The following FAIM variants were observed in gnomAD, a reference collection of about 807,000 sequenced individuals.
FAIM encodes Fas apoptotic inhibitory molecule, also known as fas apoptotic inhibitory molecule 1.
Under a neutral mutation model 21.2 loss-of-function variants are expected in FAIM, and 14 were observed. That is an observed-to-expected ratio of 0.66 (90% CI 0.44 to 1.03). The LOEUF (loss-of-function observed/expected upper bound fraction) is 1.03. FAIM is among the 50% of genes least tolerant of loss of function. The probability of loss-of-function intolerance (pLI) is 0.00; values close to 1 mark genes in which losing one functional copy is unlikely to be tolerated. For synonymous variants in FAIM, 86 were observed against 80.4 expected, an observed-to-expected ratio of 1.07 and a Z score of -0.37; for missense variants, 222 against 247.1, an observed-to-expected ratio of 0.90 and a Z score of 0.68.
chr3:138,609,370 TCGAAAACGTGGAA>T (rs2042726336), intron 1 of FAIM, among the ~76,000 whole-genome samples: 1 of 151,962 alleles, frequency 6.6e-6, no homozygotes, highest in African/African-American at 2.4e-5. Context: ...CTTCTCACTG[TCGAAAACGTGGAA>T]CAGAAAGCAA....
At chr3:138,615,011 CAAGTTGAAAATATTAT>C (rs1248020957) in intron 1 of FAIM, among the ~76,000 whole-genome samples, 44 of 152,280 alleles carry the variant, frequency 2.9e-4, no homozygotes, top group African/African-American at 1.0e-3. Flanking sequence ...AAACCCATTG[CAAGTTGAAAATATTAT>C]AAGTTGAAAA....
chr3:138,611,536 A>G (rs780566195), intron 1 of FAIM, among the ~76,000 whole-genome samples: 10 of 152,334 alleles, frequency 6.6e-5, no homozygotes, highest in East Asian at 1.9e-4. Context: ...CCATTAAGCA[A>G]TAACTCTGTG....
rs773678502 is a variant in FAIM, at chr3:138,621,471, G to A, written c.109G>A (p.Gly37Arg). The A allele has an allele frequency of 7.4e-6, 12 of 1,613,768 alleles. No homozygotes were observed. Among genetic ancestry groups the A allele is most frequent in the Admixed American group, 3.3e-5 (2 of 59,974 alleles). ...VAVWDVALSDGVHKIEFEHGT... is the reference protein window; with the variant it reads ...VAVWDVALSDRVHKIEFEHGT... ...TGTTTGGGATGTTGCTTTAAGTGAC[G>A]GAGTCCACAAGATCGAATTTGAACA... The change falls in exon 3 of 6, where the codon GGA becomes AGA. Residue 37 changes from glycine to arginine, a missense_variant. Transcript: ENST00000360570.
In FAIM at chr3:138,614,521, T is replaced by C. The variant is rs78280905; in HGVS notation, c.-16-5190T>C. Among the ~76,000 whole-genome samples the C allele has an allele frequency of 3.5e-3, 530 of 152,296 alleles. 2 individuals are homozygous for C. The highest frequency in any genetic ancestry group is 0.012 in the African/African-American group (507 of 41,566). On this transcript the variant is annotated intron_variant, in intron 1 of 5. Transcript: ENST00000360570. The stretch of plus-strand genomic sequence containing the variant: ...TATCTCTTGATAGCAGGTTCAAATG[T>C]TGAATGGAAAAACTGAAGCCTGGAC...
intron 4 of FAIM, among the ~76,000 whole-genome samples, chr3:138,623,075 G>A (rs2042905108): frequency 6.6e-6 from 1 of 151,634 alleles, no homozygotes; most frequent in Non-Finnish European, 1.5e-5. Flanking sequence ...GTAGATTTTG[G>A]TATTATTTGG....
chr3:138,609,614 A>ACTCTCTCTCTCTCTCTCTCT (rs1211208979), intron 1 of FAIM, among the ~76,000 whole-genome samples: 15 of 25,422 alleles, frequency 5.9e-4, no homozygotes, highest in Non-Finnish European at 9.3e-4. Flanking sequence ...CTCTCTCTCG[A>ACTCTCTCTCTCTCTCTCTCT]CTCTCTCTCT....
chr3:138,622,360 A>C lies in FAIM; in HGVS notation c.350A>C (p.Lys117Thr). 6.2e-7 allele frequency: 1 copy of C among 1,613,698 alleles called. No homozygotes were observed. Among genetic ancestry groups the C allele is most frequent in the Non-Finnish European group, 8.5e-7 (1 of 1,179,890 alleles). Residue 117 changes from lysine (K) to threonine (T), a missense_variant, in exon 4 of 6, where the codon AAA becomes ACA. Lys to Thr is a moderately conservative substitution (Grantham distance 78). Transcript: ENST00000360570. ...SLKKYMEDRS[K>T]TTNTWVLHMD... Reference sequence around the variant, plus strand: ...AAGAAGTATATGGAGGACAGATCAAAAACCACCAATACTTGGGTATTACAC... The same window carrying C: ...AAGAAGTATATGGAGGACAGATCAACAACCACCAATACTTGGGTATTACAC...
Position 138,629,153 on chromosome 3 carries a change from A to C in FAIM, c.453A>C (p.Thr151=). Residue 151 remains threonine (T), a synonymous_variant, in exon 5 of 6, where the codon ACA becomes ACC. Transcript: ENST00000360570. The part of the protein sequence containing the change: ...DVWCNGKKLE[T]AGEFVDDGTE... ...GGTGCAATGGTAAAAAATTGGAGAC[A>C]GCGGTAAGTTGACTATTTGATGACT... 1 of 1,610,836 alleles carries C rather than the reference A, an allele frequency of 6.2e-7. No homozygotes were observed. Among genetic ancestry groups the C allele is most frequent in the Non-Finnish European group, 8.5e-7 (1 of 1,178,420 alleles).
rs1211208979 is a variant in FAIM at position 138,609,614 on chromosome 3, A to ACTCTCTCT, written c.-17+697_-17+704dup. ...CTCGACTCTCTCTCTCTCTCTCTCGACTCTCTCTCTCTCTCTCTCTCTCTC... is the reference window on the plus strand; with the variant it reads ...CTCGACTCTCTCTCTCTCTCTCTCGACTCTCTCTCTCTCTCTCTCTCTCTCTCTCTCTC... On this transcript the variant is annotated intron_variant, in intron 1 of 5. Transcript: ENST00000360570. Among the ~76,000 whole-genome samples the ACTCTCTCT allele has an allele frequency of 1.3e-3, 33 of 25,426 alleles. 1 individual carries two copies. Among genetic ancestry groups the ACTCTCTCT allele is most frequent in the South Asian group, 6.0e-3 (3 of 496 alleles). The allele number at this position is 25,426 out of a possible 152,430, so 16.7% of individuals were successfully genotyped here. A position where few individuals can be genotyped will look rare whatever the true frequency, so the allele number is the denominator to read the frequency against.
At position 138,629,126 on chromosome 3, in the gene FAIM, A is replaced by C; in HGVS notation, c.426A>C (p.Val142=). ...RIVLEKDAMD[V]WCNGKKLETA... The stretch of plus-strand genomic sequence containing the variant: ...TTACAGAAAAAGATGCTATGGACGT[A>C]TGGTGCAATGGTAAAAAATTGGAGA... Residue 142 remains valine (V), a synonymous_variant, in exon 5 of 6, where the codon GTA becomes GTC. Coordinates refer to ENST00000360570, the MANE Select transcript of FAIM (RefSeq NM_001033031.2). The C allele has an allele frequency of 6.2e-7, 1 of 1,611,144 alleles. No homozygotes were observed. Among genetic ancestry groups the C allele is most frequent in the Non-Finnish European group, 8.5e-7 (1 of 1,178,980 alleles).
At chr3:138,609,895 G>C (rs768927504) in intron 1 of FAIM, among the ~76,000 whole-genome samples, 3 of 152,186 alleles carry the variant, frequency 2.0e-5, no homozygotes, top group African/African-American at 7.2e-5. Context: ...ATACCACAAG[G>C]CTTCTGGTAT....
chr3:138,619,925 T>G (rs2108344325), intron 2 of FAIM, among the ~76,000 whole-genome samples, 155 bp downstream of exon 2: 1 of 152,348 alleles, frequency 6.6e-6, no homozygotes, highest in African/African-American at 2.4e-5. Context: ...GCAGGAGTAG[T>G]AAATACCTGG....
At chr3:138,626,569 T>C (rs752339676) in intron 4 of FAIM, among the ~76,000 whole-genome samples, 26 of 152,204 alleles carry the variant, frequency 1.7e-4, no homozygotes, top group Non-Finnish European at 3.5e-4. Context: ...CAATAGTAAA[T>C]GGTGTATTTA....
At chr3:138,629,640 A>G (rs993852257) in intron 5 of FAIM, 3 of 152,578 alleles carry the variant, frequency 2.0e-5, no homozygotes, top group African/African-American at 4.8e-5. Flanking sequence ...GCTTTACACC[A>G]TACACTCAAA....
intron 1 of FAIM, among the ~76,000 whole-genome samples, chr3:138,609,545 T>A (rs927459977): frequency 4.3e-5 from 1 of 23,066 alleles, no homozygotes; most frequent in Non-Finnish European, 9.3e-5. Flanking sequence ...TCTCTCTCTC[T>A]CTCTCTCTCT....
chr3:138,618,784 C>T (rs991116967), intron 1 of FAIM, among the ~76,000 whole-genome samples: 1 of 152,184 alleles, frequency 6.6e-6, no homozygotes, highest in Non-Finnish European at 1.5e-5. Flanking sequence ...CTGTAGGAAA[C>T]AGGCACTAAT....
chr3:138,625,765 G>A (rs2042932557), intron 4 of FAIM, among the ~76,000 whole-genome samples: 1 of 152,178 alleles, frequency 6.6e-6, no homozygotes. Context: ...TATGGGAAAG[G>A]TGGTATCATC....
At chr3:138,626,730 T>G (rs1051190756) in intron 4 of FAIM, among the ~76,000 whole-genome samples, 3 of 152,204 alleles carry the variant, frequency 2.0e-5, no homozygotes, top group Admixed American at 6.5e-5. Context: ...AGGACTTCTA[T>G]TCTTCTGGGT....
Position 138,611,201 on chromosome 3 carries a change from TATC to T in FAIM, c.-17+2268_-17+2270del, listed in dbSNP as rs1475141182. 3.9e-5 allele frequency among the ~76,000 whole-genome samples: 6 copies of T among 152,254 alleles called. No homozygotes were observed. The East Asian group carries it at 9.6e-4, about 24-fold the overall frequency. ...GGAAATTGGGGACAAGGACAGATGTTATCATCTTTTGGTTACAGGTGCAGTTGC... is the reference window on the plus strand; with the variant it reads ...GGAAATTGGGGACAAGGACAGATGTTATCTTTTGGTTACAGGTGCAGTTGC... On this transcript the variant is annotated intron_variant, in intron 1 of 5. Coordinates refer to ENST00000360570, the MANE Select transcript of FAIM (RefSeq NM_001033031.2).
Sources: gnomAD v4.1 joint callset for allele counts (sites outside exome capture counted in the v4.1 genomes callset) on GRCh38, gnomAD v4.1.1 for gene constraint, MANE v1.5 for transcripts, NCBI Gene and HGNC (gene_info 2026-07-23, HGNC 2026-07-21) for gene names.